The following ATM variants were observed in gnomAD, a reference collection of about 807,000 sequenced individuals.
The protein encoded by ATM is ATM serine/threonine kinase.
In ATM, 308 loss-of-function variants were observed where a neutral mutation model predicts 387.0. The observed-to-expected ratio is 0.80, with a 90% CI of 0.73 to 0.87. The LOEUF (loss-of-function observed/expected upper bound fraction) is 0.87, where lower values mean the gene tolerates loss of function less well. Ranked by LOEUF, ATM falls within the 40% of genes least tolerant of loss-of-function variation. ATM has a pLI of 0.00. For synonymous variants in ATM, 1,156 were observed against 1,187.3 expected (o/e 0.97, Z 0.54); for missense variants, 3,312 against 3,560.9 (o/e 0.93, Z 1.78).
intron 61 of ATM, among the ~76,000 whole-genome samples, chr11:108,363,022 T>C (rs2090971984): frequency 6.6e-6 from 1 of 152,170 alleles, no homozygotes; most frequent in Admixed American, 6.5e-5. Flanking sequence ...GCTTTGTGTA[T>C]TTTACACTCA....
At chr11:108,328,067 A>G (rs1403892436) in intron 48 of ATM, among the ~76,000 whole-genome samples, 1 of 152,178 alleles carries the variant, frequency 6.6e-6, no homozygotes, top group East Asian at 1.9e-4. Context: ...ATAACTGATT[A>G]AGAATAGGCA....
At chr11:108,249,461 AG>A (rs2080022548) in intron 9 of ATM, among the ~76,000 whole-genome samples, 1 of 152,240 alleles carries the variant, frequency 6.6e-6, no homozygotes, top group Admixed American at 6.5e-5. Context: ...ATTAGGAAGA[AG>A]TTAAAGATAA....
Position 108,321,325 on chromosome 11 carries a change from T to G in ATM, c.6477T>G (p.Cys2159Trp), listed in dbSNP as rs587781789. The G allele has an allele frequency of 1.2e-6, 2 of 1,614,192 alleles. No individual in the cohort carries two copies. The highest frequency in any genetic ancestry group is 8.5e-7 in the Non-Finnish European group (1 of 1,180,004). Reference sequence around the variant, plus strand: ...GAGTAAAAGAAGTGGAAGAGATGTGTAAGCGCAGCCTTGAGTCTGTGTATT... The same window carrying G: ...GAGTAAAAGAAGTGGAAGAGATGTGGAAGCGCAGCCTTGAGTCTGTGTATT... ...YARVKEVEEM[C>W]KRSLESVYSL... The change falls in exon 45 of 63, where the codon TGT becomes TGG. Residue 2159 changes from cysteine to tryptophan, a missense_variant. By Grantham distance (215) the Cys-to-Trp change is radical. Coordinates refer to ENST00000675843, the MANE Select transcript of ATM (RefSeq NM_000051.4).
intron 42 of ATM, among the ~76,000 whole-genome samples, chr11:108,316,801 C>T (rs1341732284): frequency 6.6e-6 from 1 of 150,408 alleles, no homozygotes; most frequent in Non-Finnish European, 1.5e-5. Context: ...TGGCGGGTGC[C>T]TGTAGGCCCA....
chr11:108,251,130 A>G, intron 10 of ATM, 58 bp downstream of exon 10: 2 of 1,602,616 alleles, frequency 1.2e-6, no homozygotes, highest in Non-Finnish European at 8.5e-7. Flanking sequence ...ACACACACAC[A>G]CTCACATATC....
At chr11:108,235,565 A>T in intron 4 of ATM, 105 bp from the exon 5 acceptor site, 2 of 1,085,368 alleles carry the variant, frequency 1.8e-6, no homozygotes, top group Non-Finnish European at 1.3e-6. Flanking sequence ...AAAGAAGTTT[A>T]GTTAATAGTA....
At chr11:108,336,082 AG>A (rs2086819369) in intron 56 of ATM, 121 bp downstream of exon 56, 1 of 737,798 alleles carries the variant, frequency 1.4e-6, no homozygotes, top group African/African-American at 1.7e-5. Context: ...GGATTGCTTG[AG>A]GCCAGGAGTT....
chr11:108,343,056 G>A (rs1225238123), intron 56 of ATM, among the ~76,000 whole-genome samples, 166 bp from the exon 57 acceptor site: 1 of 152,118 alleles, frequency 6.6e-6, no homozygotes, highest in Non-Finnish European at 1.5e-5. Context: ...TTGAGCTTAA[G>A]TTTATTTCCG....
At position 108,321,341 on chromosome 11, in the gene ATM, T is replaced by C; in HGVS notation, c.6493T>C (p.Ser2165Pro). Residue 2165 changes from serine (S) to proline (P), a missense_variant, in exon 45 of 63, where the codon TCT becomes CCT. Physicochemically the swap from Ser to Pro is moderately conservative, Grantham distance 74 (BLOSUM62 -1). Transcript: ENST00000675843. ...VEEMCKRSLE[S>P]VYSLYPTLSR... ...AGAGATGTGTAAGCGCAGCCTTGAG[T>C]CTGTGTATTCGCTCTATCCCACACT... The C allele has an allele frequency of 6.2e-7, 1 of 1,614,100 alleles. No homozygotes were observed. Among genetic ancestry groups the C allele is most frequent in the Non-Finnish European group, 8.5e-7 (1 of 1,179,986 alleles).
At position 108,292,627 on chromosome 11, in the gene ATM, G is replaced by A. The variant is rs201277352; in HGVS notation, c.4445G>A (p.Cys1482Tyr). The A allele has an allele frequency of 2.1e-5, 34 of 1,613,268 alleles. No individual in the cohort carries two copies. Among genetic ancestry groups the A allele is most frequent in the Non-Finnish European group, 2.7e-5 (32 of 1,179,804 alleles). ...TTTTCTCCCTATATTAGGCCTTCTT[G>A]TATCATGGATGTGTCATTACGTAGC... ...LIHYINQRPS[C>Y]IMDVSLRSFS... The change falls in exon 30 of 63, where the codon TGT (cysteine) becomes TAT (tyrosine). Residue 1482 changes from cysteine to tyrosine, a missense_variant. By Grantham distance (194) the Cys-to-Tyr change is radical (BLOSUM62 -2). This residue lies in a region of ATM where 1,791 missense variants were observed against 1,804.5 expected (regional missense o/e 0.99). Coordinates refer to ENST00000675843, the MANE Select transcript of ATM (RefSeq NM_000051.4).
At chr11:108,273,007 T>C (rs1192763969) in intron 22 of ATM, among the ~76,000 whole-genome samples, 155 bp downstream of exon 22, 3 of 152,222 alleles carry the variant, frequency 2.0e-5, no homozygotes, top group Non-Finnish European at 2.9e-5. Context: ...TTAATTCTTA[T>C]ACTTCTGTCA....
chr11:108,330,783 A>T (rs2086167890), intron 50 of ATM, among the ~76,000 whole-genome samples: 1 of 152,188 alleles, frequency 6.6e-6, no homozygotes, highest in East Asian at 1.9e-4. Flanking sequence ...TGATGTGATC[A>T]CAGGTGGGTT....
At chr11:108,264,559 T>C (rs534369653) in intron 16 of ATM, among the ~76,000 whole-genome samples, 18 of 151,268 alleles carry the variant, frequency 1.2e-4, no homozygotes, top group African/African-American at 4.4e-4. Flanking sequence ...GCATTCCCTT[T>C]GAAAACTGGC....
chr11:108,317,381 G>C lies in ATM; in HGVS notation c.6207G>C (p.Gln2069His), dbSNP rs2136162810. 1 of 1,611,532 alleles carries C rather than the reference G, an allele frequency of 6.2e-7. No individual in the cohort carries two copies. The highest frequency in any genetic ancestry group is 8.5e-7 in the Non-Finnish European group (1 of 1,178,610). Residue 2069 changes from glutamine to histidine, a missense_variant, in exon 43 of 63, where the codon CAG (glutamine) becomes CAC (histidine). Physicochemically the swap from Gln to His is conservative, Grantham distance 24. Transcript: ENST00000675843. ...TRQAGIIQAL[Q>H]NLGLCHILSV... ...AAATAACTCCTGTTTAGGCCTTGCA[G>C]AATTTGGGACTCTGCCATATTCTTT...
chr11:108,255,472 C>T (rs1426052663), intron 13 of ATM, among the ~76,000 whole-genome samples: 1 of 133,564 alleles, frequency 7.5e-6, no homozygotes, highest in Non-Finnish European at 1.5e-5. Flanking sequence ...GTTGCCCAGG[C>T]TGGAGTGCAG....
In ATM at chr11:108,308,041, A is replaced by T. The variant is rs1195617507; in HGVS notation, c.5762+57A>T. ...GGATCTAGAGTGTAACTTGTTAACT[A>T]TCGGCTGAATTTTAACATGATTATT... On this transcript the variant is annotated intron_variant, in intron 38 of 62. Transcript: ENST00000675843. 5 of 1,470,762 alleles carry T rather than the reference A, an allele frequency of 3.4e-6. No individual in the cohort carries two copies. In the South Asian group the frequency reaches 5.8e-5, roughly 17 times the overall value. The allele number at this position is 1,470,762 out of a possible 1,614,324, so 91.1% of individuals were successfully genotyped here. A position where few individuals can be genotyped will look rare whatever the true frequency, so the allele number is the denominator to read the frequency against.
intron 9 of ATM, among the ~76,000 whole-genome samples, chr11:108,249,347 A>G (rs566277058): frequency 1.3e-5 from 2 of 152,312 alleles, no homozygotes; most frequent in South Asian, 4.1e-4. Flanking sequence ...GTTAAGAAGG[A>G]GGACTGGCTC....
chr11:108,309,111 G>A (rs1000007177), intron 38 of ATM: 2 of 1,157,832 alleles, frequency 1.7e-6, no homozygotes, highest in Non-Finnish European at 2.5e-6. Flanking sequence ...AACGGGTAAA[G>A]ACATGCATTC....
intron 55 of ATM, chr11:108,335,388 A>T: frequency 2.2e-6 from 2 of 908,606 alleles, no homozygotes; most frequent in Non-Finnish European, 3.1e-6. Context: ...ATGAAAAAAA[A>T]TACTTTGGTG....
Sources: gnomAD v4.1 joint callset for allele counts (sites outside exome capture counted in the v4.1 genomes callset) on GRCh38, gnomAD v4.1.1 for gene constraint, gnomAD v4.1.1 regional missense constraint, MANE v1.5 for transcripts, NCBI Gene and HGNC (gene_info 2026-07-23, HGNC 2026-07-21) for gene names.